RETN: variants seen among roughly 807,000 people sequenced by gnomAD.
The protein encoded by RETN is C/EBP-epsilon regulated myeloid-specific secreted cysteine-rich protein precursor 1.
Under a neutral mutation model 6.1 loss-of-function variants are expected in RETN, and 5 were observed. That is an observed-to-expected ratio of 0.82 (90% CI 0.43 to 1.73). RETN has a LOEUF of 1.73. RETN is among the 40% of genes most tolerant of loss of function. The pLI is 0.02. For synonymous variants in RETN, 62 were observed against 59.2 expected (o/e 1.05, Z -0.22); for missense variants, 168 against 142.5 (o/e 1.18, Z -0.91).
chr19:7,669,768 A>C (rs375591078), intron 2 of RETN, 53 bp from the exon 3 acceptor site: 2 of 1,516,702 alleles, frequency 1.3e-6, no homozygotes, highest in African/African-American at 1.4e-5. Context: ...AGGATGGGGG[A>C]GGGACCGTTT....
Position 7,670,325 on chromosome 19 carries a change from G to C in RETN, c.303G>C (p.Ala101=), listed in dbSNP as rs1423282817. The change falls in exon 4 of 4, where the codon GCG becomes GCC. Residue 101 remains alanine (A), a synonymous_variant. Coordinates refer to ENST00000221515, the MANE Select transcript of RETN (RefSeq NM_020415.4). ...GCGCGGGCATGGACTGGACCGGAGC[G>C]CGCTGCTGTCGTGTGCAGCCCTGAG... The part of the protein sequence containing the change: ...CQCAGMDWTG[A]RCCRVQP 6.4e-7 allele frequency: 1 copy of C among 1,566,128 alleles called. No homozygotes were observed. The highest frequency in any genetic ancestry group is 2.3e-5 in the East Asian group (1 of 42,868).
chr19:7,670,049 G>A (rs891912532), intron 3 of RETN, 151 bp downstream of exon 3: 19 of 945,672 alleles, frequency 2.0e-5, no homozygotes, highest in Non-Finnish European at 2.6e-5. Context: ...TCTGGACACT[G>A]GTGTCCACCC....
In RETN at chr19:7,670,205, G is replaced by A. The variant is rs768309063; in HGVS notation, c.197-14G>A. On this transcript the variant is annotated splice_polypyrimidine_tract_variant and intron_variant, in intron 3 of 3. Coordinates refer to ENST00000221515, the MANE Select transcript of RETN (RefSeq NM_020415.4). The stretch of plus-strand genomic sequence containing the variant: ...CCCAGCTCAGAGTCCACGCTCCTGT[G>A]TTCCGGGCTGCAGGCTTCGCCGTCA... 6.3e-7 allele frequency: 1 copy of A among 1,585,800 alleles called. No homozygotes were observed. Among genetic ancestry groups the A allele is most frequent in the South Asian group, 1.1e-5 (1 of 89,878 alleles).
chr19:7,669,791 C>T (rs780266798), intron 2 of RETN, 30 bp from the exon 3 acceptor site: 1 of 1,602,498 alleles, frequency 6.2e-7, no homozygotes. Flanking sequence ...TCTCACAGCT[C>T]CCCCTGTCTC....
rs761183709 is a variant in RETN, at chr19:7,669,451, A to AC, written c.118+13dup. 1.0e-5 allele frequency: 16 copies of AC among 1,595,940 alleles called. No individual in the cohort carries two copies. In the East Asian group the frequency reaches 1.8e-4, roughly 18 times the overall value. On this transcript the variant is annotated splice_region_variant and intron_variant, in intron 2 of 3. Transcript: ENST00000221515. ...GAGGTCGCCGGCTCCCTAAGTGAGGACCCCCCACTTGGGCAAGCTCCCCAA... is the reference window on the plus strand; with the variant it reads ...GAGGTCGCCGGCTCCCTAAGTGAGGACCCCCCCACTTGGGCAAGCTCCCCAA...
In RETN at chr19:7,669,722, C is replaced by T. The variant is rs1181852405; in HGVS notation, c.119-99C>T. Reference sequence around the variant, plus strand: ...CTGGAGGCCAGTGAGCTCCTATGCCCACAGGGACCTAGCTCCAAACCAACA... The same window carrying T: ...CTGGAGGCCAGTGAGCTCCTATGCCTACAGGGACCTAGCTCCAAACCAACA... On this transcript the variant is annotated intron_variant, in intron 2 of 3. Transcript: ENST00000221515. 2.8e-6 allele frequency: 3 copies of T among 1,086,604 alleles called. No individual in the cohort carries two copies. The East Asian group carries it at 7.3e-5, about 26-fold the overall frequency. 67.3% of individuals were successfully genotyped at this position (1,086,604 alleles called of 1,614,324 possible). A position where few individuals can be genotyped will look rare whatever the true frequency, so the allele number is the denominator to read the frequency against.
chr19:7,669,969 C>T, intron 3 of RETN, 71 bp downstream of exon 3: 3 of 1,208,642 alleles, frequency 2.5e-6, no homozygotes, highest in South Asian at 1.2e-5. Context: ...CCCTCCCCGC[C>T]ACGTTCCCCG....
At chr19:7,669,539 C>A in intron 2 of RETN, 95 bp downstream of exon 2, 1 of 910,852 alleles carries the variant, frequency 1.1e-6, no homozygotes, top group Non-Finnish European at 1.8e-6. Flanking sequence ...CCAGCGCTCA[C>A]CAAATCTCAT....
intron 3 of RETN, 46 bp downstream of exon 3, chr19:7,669,944 T>A (rs1335033157): frequency 1.3e-6 from 2 of 1,497,996 alleles, no homozygotes; most frequent in African/African-American, 1.4e-5. Context: ...CTGTTCCAAG[T>A]CCCCTGGGAA....
rs899175770 is a variant in RETN, at chr19:7,670,232, C to G, written c.210C>G (p.Thr70=). The G allele has an allele frequency of 3.1e-6, 5 of 1,604,302 alleles. No individual in the cohort carries two copies. The highest frequency in any genetic ancestry group is 1.7e-4 in the Middle Eastern group (1 of 5,974). The change falls in exon 4 of 4, where the codon ACC becomes ACG. Residue 70 remains threonine, a synonymous_variant. Transcript: ENST00000221515. ...LATCPRGFAV[T]GCTCGSACGS... ...TCCGGGCTGCAGGCTTCGCCGTCACCGGCTGCACTTGTGGCTCCGCCTGTG... is the reference window on the plus strand; with the variant it reads ...TCCGGGCTGCAGGCTTCGCCGTCACGGGCTGCACTTGTGGCTCCGCCTGTG...
At position 7,669,820 on chromosome 19, in the gene RETN, G is replaced by A. The variant is rs1472505181; in HGVS notation, c.119-1G>A. 6 of 1,613,810 alleles carry A rather than the reference G, an allele frequency of 3.7e-6. No homozygotes were observed. The highest frequency in any genetic ancestry group is 4.2e-6 in the Non-Finnish European group (5 of 1,179,840). ...CTGTCTCCTTTCCTCCTGCCCCCCA[G>A]TATTTAGGGCAATAAGCAGCATTGG... On this transcript the variant is annotated splice_acceptor_variant, in intron 2 of 3. Coordinates refer to ENST00000221515, the MANE Select transcript of RETN (RefSeq NM_020415.4). LOFTEE classifies it high-confidence loss of function.
chr19:7,670,009 G>C lies in RETN; in HGVS notation c.196+111G>C, dbSNP rs978536976. ...CAGCCTCTACTCCCCTAGGATCTTGGTCCTGACTCCCAGCCTTCTCCGCCC... is the reference window on the plus strand; with the variant it reads ...CAGCCTCTACTCCCCTAGGATCTTGCTCCTGACTCCCAGCCTTCTCCGCCC... On this transcript the variant is annotated intron_variant, in intron 3 of 3. Transcript: ENST00000221515. 2.4e-5 allele frequency: 24 copies of C among 991,434 alleles called. No homozygotes were observed. In the African/African-American group the frequency reaches 3.7e-4, roughly 15 times the overall value. 61.4% of individuals were successfully genotyped at this position (991,434 alleles called of 1,614,324 possible).
At chr19:7,669,212 G>T in intron 1 of RETN, 91 bp downstream of exon 1, 1 of 797,520 alleles carries the variant, frequency 1.3e-6, no homozygotes. Context: ...CACATGGGGG[G>T]ACAGGGGTCC....
At chr19:7,669,279 G>C (rs986295448) in intron 1 of RETN, 38 bp from the exon 2 acceptor site, 3 of 1,431,166 alleles carry the variant, frequency 2.1e-6, no homozygotes, top group Non-Finnish European at 3.0e-6. Flanking sequence ...ACAGGGCAGG[G>C]CTGATCCAGC....
At position 7,670,310 on chromosome 19, in the gene RETN, G is replaced by T. The variant is rs747537613; in HGVS notation, c.288G>T (p.Met96Ile). The change falls in exon 4 of 4, where the codon ATG (methionine) becomes ATT (isoleucine). Residue 96 changes from methionine to isoleucine, a missense_variant. By Grantham distance (10) the Met-to-Ile change is conservative (BLOSUM62 1). Transcript: ENST00000221515. ...ETTCHCQCAG[M>I]DWTGARCCRV... ...CATGTCACTGCCAGTGCGCGGGCAT[G>T]GACTGGACCGGAGCGCGCTGCTGTC... 1.3e-6 allele frequency: 2 copies of T among 1,578,154 alleles called. No individual in the cohort carries two copies. The highest frequency in any genetic ancestry group is 2.3e-5 in the South Asian group (2 of 87,520).
chr19:7,669,980 T>A, intron 3 of RETN, 82 bp downstream of exon 3: 1 of 1,123,354 alleles, frequency 8.9e-7, no homozygotes, highest in Non-Finnish European at 1.3e-6. Flanking sequence ...ACGTTCCCCG[T>A]GTCCAGCCTC....
chr19:7,670,306 G>C lies in RETN; in HGVS notation c.284G>C (p.Gly95Ala). Reference sequence around the variant, plus strand: ...ACCACATGTCACTGCCAGTGCGCGGGCATGGACTGGACCGGAGCGCGCTGC... The same window carrying C: ...ACCACATGTCACTGCCAGTGCGCGGCCATGGACTGGACCGGAGCGCGCTGC... Reference protein sequence around the residue: ...AETTCHCQCAGMDWTGARCCR... With the variant: ...AETTCHCQCAAMDWTGARCCR... Residue 95 changes from glycine to alanine, a missense_variant, in exon 4 of 4, where the codon GGC (glycine) becomes GCC (alanine). Transcript: ENST00000221515. 6.3e-7 allele frequency: 1 copy of C among 1,583,814 alleles called. No individual in the cohort carries two copies. The highest frequency in any genetic ancestry group is 1.3e-5 in the African/African-American group (1 of 74,628).
chr19:7,669,746 C>A, intron 2 of RETN, 75 bp from the exon 3 acceptor site: 2 of 1,369,264 alleles, frequency 1.5e-6, no homozygotes, highest in Non-Finnish European at 2.1e-6. Flanking sequence ...TCCAAACCAA[C>A]AGGGCTAGGG....
chr19:7,669,973 T>G, intron 3 of RETN, 75 bp downstream of exon 3: 6 of 1,162,902 alleles, frequency 5.2e-6, no homozygotes, highest in Non-Finnish European at 6.4e-6. Context: ...CCCCGCCACG[T>G]TCCCCGTGTC....
Sources: gnomAD v4.1 joint callset for allele counts on GRCh38, gnomAD v4.1.1 for gene constraint, MANE v1.5 for transcripts, NCBI Gene and HGNC (gene_info 2026-07-23, HGNC 2026-07-21) for gene names.